The following KLHL1 variants were observed in gnomAD, a reference collection of about 807,000 sequenced individuals.
The protein encoded by KLHL1 is kelch-like protein 1.
A neutral mutation model predicts 77.7 loss-of-function variants in KLHL1; 47 were observed. The observed-to-expected ratio is 0.60, with a 90% CI of 0.48 to 0.77. The LOEUF (loss-of-function observed/expected upper bound fraction) is 0.77. Ranked by LOEUF, KLHL1 falls within the 30% of genes least tolerant of loss-of-function variation. The pLI is 0.00. For missense variants in KLHL1, 925 were observed against 910.8 expected, an observed-to-expected ratio of 1.02 and a Z score of -0.20; for synonymous variants, 360 against 325.2, an observed-to-expected ratio of 1.11 and a Z score of -1.15.
chr13:69,749,565 G>T (rs979618420), intron 7 of KLHL1, among the ~76,000 whole-genome samples: 18 of 151,976 alleles, frequency 1.2e-4, no homozygotes, highest in African/African-American at 4.1e-4. Context: ...TTTATTGAAA[G>T]AAACAAACTA....
In KLHL1 at chr13:69,947,026, TGTTGTGTGTG is replaced by T. The variant is rs1302559791; in HGVS notation, c.818-6800_818-6791del. Among the ~76,000 whole-genome samples the T allele has an allele frequency of 5.0e-3, 514 of 103,482 alleles. 8 individuals carry two copies. The highest frequency in any genetic ancestry group is 0.019 in the African/African-American group (471 of 25,440). The allele number at this position is 103,482 out of a possible 152,430, so 67.9% of individuals were successfully genotyped here. On this transcript the variant is annotated intron_variant, in intron 3 of 10. Coordinates refer to ENST00000377844, the MANE Select transcript of KLHL1 (RefSeq NM_020866.3). ...CCTGCCATACAAAATTGTGTGTGTG[TGTTGTGTGTG>T]TGTGTGTGTGTGTGTGTGTGTGTGT...
intron 2 of KLHL1, among the ~76,000 whole-genome samples, chr13:69,971,315 C>G (rs569682761): frequency 6.6e-6 from 1 of 152,150 alleles, no homozygotes; most frequent in East Asian, 1.9e-4. Context: ...TCATCATCAT[C>G]ATCATTATCA....
chr13:69,859,889 G>A (rs374549745), intron 5 of KLHL1, among the ~76,000 whole-genome samples: 21 of 152,086 alleles, frequency 1.4e-4, no homozygotes, highest in Middle Eastern at 3.4e-3. Flanking sequence ...CATTGTAAGC[G>A]TACAAAAGCA....
intron 7 of KLHL1, among the ~76,000 whole-genome samples, chr13:69,793,952 A>G (rs953550019): frequency 2.6e-5 from 4 of 152,176 alleles, no homozygotes; most frequent in African/African-American, 9.7e-5. Flanking sequence ...CATGTTTCCT[A>G]TCCCTCAGTG....
Position 69,701,642 on chromosome 13 carries a change from A to C in KLHL1, c.*60T>G. ...ATCTCTGGAAGTTCTCATTCTTGCC[A>C]TTCAATATAAAAATAACCACTCCAG... On this transcript the variant is annotated 3_prime_UTR_variant, in exon 11 of 11. Transcript: ENST00000377844. The C allele has an allele frequency of 8.4e-7, 1 of 1,190,918 alleles. No homozygotes were observed. The allele number at this position is 1,190,918 out of a possible 1,614,324, so 73.8% of individuals were successfully genotyped here. A position where few individuals can be genotyped will look rare whatever the true frequency, so the allele number is the denominator to read the frequency against.
chr13:69,907,825 G>T (rs758119615), intron 4 of KLHL1, among the ~76,000 whole-genome samples: 23 of 152,028 alleles, frequency 1.5e-4, no homozygotes, highest in Non-Finnish European at 1.0e-4. Flanking sequence ...TTAGCAGGAT[G>T]CAGGATAGGT....
chr13:69,949,930 C>T (rs759550563), intron 3 of KLHL1, among the ~76,000 whole-genome samples: 4 of 151,554 alleles, frequency 2.6e-5, no homozygotes, highest in Non-Finnish European at 5.9e-5. Flanking sequence ...CCTCCTCTCT[C>T]TCTTGTCAGA....
At chr13:69,794,435 A>C (rs1877011357) in intron 7 of KLHL1, among the ~76,000 whole-genome samples, 1 of 152,104 alleles carries the variant, frequency 6.6e-6, no homozygotes, top group African/African-American at 2.4e-5. Context: ...CCAGCATTAG[A>C]AGAGAAAGAG....
chr13:69,787,838 T>C (rs1038483822), intron 7 of KLHL1, among the ~76,000 whole-genome samples: 2 of 152,156 alleles, frequency 1.3e-5, no homozygotes, highest in African/African-American at 2.4e-5. Flanking sequence ...CATCAAAAAG[T>C]GGGCAAATGA....
At chr13:69,915,256 T>C (rs910987685) in intron 4 of KLHL1, among the ~76,000 whole-genome samples, 1 of 152,114 alleles carries the variant, frequency 6.6e-6, no homozygotes, top group Non-Finnish European at 1.5e-5. Flanking sequence ...CAAGTTCATA[T>C]GGAACCAAAA....
intron 4 of KLHL1, among the ~76,000 whole-genome samples, chr13:69,896,737 C>T (rs1252107233): frequency 2.6e-5 from 4 of 151,040 alleles, no homozygotes; most frequent in Admixed American, 6.6e-5. Flanking sequence ...GGTGCAATCT[C>T]GGCTCACTGC....
At chr13:69,804,989 C>A (rs1877556038) in intron 6 of KLHL1, among the ~76,000 whole-genome samples, 1 of 151,900 alleles carries the variant, frequency 6.6e-6, no homozygotes, top group Admixed American at 6.6e-5. Context: ...ATAGTGTAAG[C>A]ATTTCATTGA....
chr13:69,847,098 G>A (rs1784977268), intron 5 of KLHL1, among the ~76,000 whole-genome samples: 2 of 151,142 alleles, frequency 1.3e-5, no homozygotes, highest in African/African-American at 2.4e-5. Context: ...GCACTATATT[G>A]CCTGTATAGA....
chr13:69,935,222 T>TCC lies in KLHL1; in HGVS notation c.1014+4817_1014+4818insGG, dbSNP rs1566419708. Among the ~76,000 whole-genome samples the TCC allele has an allele frequency of 9.9e-4, 148 of 149,904 alleles. 10 individuals carry two copies. Among genetic ancestry groups the TCC allele is most frequent in the Middle Eastern group, 3.5e-3 (1 of 284 alleles). On this transcript the variant is annotated intron_variant, in intron 4 of 10. Transcript: ENST00000377844. ...ACATAGTTGGTACTGGTGAACTTGG[T>TCC]ACATAGTTCACCCACTGGTGAACTT...
chr13:69,740,474 A>G lies in KLHL1; in HGVS notation c.1722T>C (p.Asp574=), dbSNP rs1466765587. 1.9e-6 allele frequency: 3 copies of G among 1,613,074 alleles called. No individual in the cohort carries two copies. The highest frequency in any genetic ancestry group is 1.7e-6 in the Non-Finnish European group (2 of 1,179,334). ...CAAATGTCCATTGTTGACTCTGTGG[A>G]TCCCACCTTTCCACTGTATTCAGAT... is the stretch of plus-strand genomic sequence containing the variant. The part of the protein sequence containing the change: ...WSYLNTVERW[D]PQSQQWTFVA... Residue 574 remains aspartate (D), a synonymous_variant, in exon 8 of 11, where the codon GAT becomes GAC. Transcript: ENST00000377844.
rs149831253 is a variant in KLHL1 at position 69,975,622 on chromosome 13, A to G, written c.678T>C (p.His226=). The change falls in exon 2 of 11, where the codon CAT becomes CAC. Residue 226 remains histidine, a splice_region_variant and synonymous_variant. Coordinates refer to ENST00000377844, the MANE Select transcript of KLHL1 (RefSeq NM_020866.3). ...CCAGTAGAGGCAGACTACTGTACCT[A>G]TGTGCAGGTATCTTTCGGTTCCCAA... is the stretch of plus-strand genomic sequence containing the variant. The part of the protein sequence containing the change: ...LIVGNRKIPA[H]RLVLSSVSDY... The G allele has an allele frequency of 3.1e-6, 5 of 1,612,592 alleles. No individual in the cohort carries two copies. The African/African-American group carries it at 4.0e-5, about 13-fold the overall frequency.
At chr13:69,820,299 G>A (rs549778356) in intron 6 of KLHL1, among the ~76,000 whole-genome samples, 53 of 152,250 alleles carry the variant, frequency 3.5e-4, no homozygotes, top group African/African-American at 1.2e-3. Flanking sequence ...TTATCATAAC[G>A]TATTCACTGT....
intron 1 of KLHL1, among the ~76,000 whole-genome samples, chr13:69,997,073 T>A (rs1191318529): frequency 6.6e-6 from 1 of 151,086 alleles, no homozygotes; most frequent in East Asian, 2.0e-4. Context: ...GTACAAAAAT[T>A]AGCTGGATGT....
intron 3 of KLHL1, among the ~76,000 whole-genome samples, chr13:69,940,820 T>C (rs1410930800): frequency 6.7e-6 from 1 of 149,424 alleles, no homozygotes; most frequent in Non-Finnish European, 1.5e-5. Flanking sequence ...AAAAAGGCTC[T>C]TTAGTGCTTT....
Sources: allele counts gnomAD v4.1 joint callset (sites outside exome capture counted in the v4.1 genomes callset), GRCh38; gene constraint gnomAD v4.1.1; transcripts MANE v1.5; gene names NCBI Gene and HGNC (gene_info 2026-07-23, HGNC 2026-07-21).